Variants in EXOC6 observed in about 807,000 individuals in gnomAD.
The protein encoded by EXOC6 is SEC15-like 1.
Under a neutral mutation model 112.5 loss-of-function variants are expected in EXOC6, and 60 were observed. The observed-to-expected ratio is 0.53, with a 90% confidence interval of 0.43 to 0.66. EXOC6 has a LOEUF of 0.66. Ranked by LOEUF, EXOC6 falls within the 30% of genes least tolerant of loss-of-function variation. The pLI is 0.00. For synonymous variants in EXOC6, 295 were observed against 308.0 expected (o/e 0.96, Z 0.44); for missense variants, 855 against 957.1 (o/e 0.89, Z 1.41).
intron 20 of EXOC6, among the ~76,000 whole-genome samples, chr10:93,034,344 C>A (rs1348976556): frequency 6.6e-6 from 1 of 152,108 alleles, no homozygotes. Context: ...AGGGAAGTAC[C>A]CTGGGCACCC....
intron 1 of EXOC6, among the ~76,000 whole-genome samples, chr10:92,863,073 G>T (rs547152738): frequency 6.6e-6 from 1 of 152,316 alleles, no homozygotes; most frequent in Non-Finnish European, 1.5e-5. Context: ...ACTATCTGTA[G>T]ATGATGGACT....
intron 19 of EXOC6, among the ~76,000 whole-genome samples, chr10:93,013,186 TTTAA>T (rs1198491981): frequency 1.3e-5 from 2 of 152,168 alleles, no homozygotes; most frequent in Non-Finnish European, 2.9e-5. Flanking sequence ...TTGTCTTTAG[TTTAA>T]TTAAGTAAGC....
intron 1 of EXOC6, among the ~76,000 whole-genome samples, chr10:92,881,348 T>G (rs1848954502): frequency 6.6e-6 from 1 of 152,216 alleles, no homozygotes; most frequent in African/African-American, 2.4e-5. Flanking sequence ...CTGCCCAGAT[T>G]AAAGGAAGGG....
intron 18 of EXOC6, among the ~76,000 whole-genome samples, chr10:92,980,757 A>G (rs530747686): frequency 1.2e-4 from 18 of 152,354 alleles, no homozygotes; most frequent in East Asian, 9.6e-4. Context: ...CCAATTTTCA[A>G]TATTTTAAAT....
At chr10:92,955,843 C>T in intron 17 of EXOC6, 129 bp downstream of exon 17, 2 of 749,276 alleles carry the variant, frequency 2.7e-6, no homozygotes, top group Non-Finnish European at 4.1e-6. Flanking sequence ...TATTCATTGT[C>T]AACAATGAGC....
intron 4 of EXOC6, among the ~76,000 whole-genome samples, chr10:92,896,111 G>GTA (rs1243350763): frequency 4.6e-5 from 3 of 64,920 alleles, no homozygotes; most frequent in Admixed American, 2.2e-4. Flanking sequence ...ATATATATGT[G>GTA]TATATATATG....
chr10:93,058,540 AT>A lies in EXOC6; in HGVS notation c.*189del, dbSNP rs1269905924. The A allele has an allele frequency of 1.2e-5, 5 of 424,322 alleles. No homozygotes were observed. In the East Asian group the frequency reaches 1.6e-4, roughly 13 times the overall value. The allele number at this position is 424,322 out of a possible 1,614,324, so 26.3% of individuals were successfully genotyped here. ...ATGGATTTTTAAATAATCGAATACT[AT>A]TTTATATATGGAAAAAAATGACCAT... On this transcript the variant is annotated 3_prime_UTR_variant, in exon 22 of 22. Coordinates refer to ENST00000260762, the MANE Select transcript of EXOC6 (RefSeq NM_019053.6).
rs1847474607 is a variant in EXOC6 at position 92,854,006 on chromosome 10, T to TG, written c.101+5372_101+5373insG. On this transcript the variant is annotated intron_variant, in intron 1 of 21. Coordinates refer to ENST00000260762, the MANE Select transcript of EXOC6 (RefSeq NM_019053.6). ...CTGGGCAACAGAGTGAGTCCCTGTCTCAAAAAAAAAAAAAAAAAGGAAAGA... is the reference window on the plus strand; with the variant it reads ...CTGGGCAACAGAGTGAGTCCCTGTCTGCAAAAAAAAAAAAAAAAAGGAAAGA... 1.1e-4 allele frequency among the ~76,000 whole-genome samples: 6 copies of TG among 53,212 alleles called. No homozygotes were observed. The East Asian group carries it at 5.5e-3, about 48-fold the overall frequency. The allele number at this position is 53,212 out of a possible 152,430, so 34.9% of individuals were successfully genotyped here.
chr10:92,870,069 G>A (rs182595335), intron 1 of EXOC6, among the ~76,000 whole-genome samples: 154 of 148,968 alleles, frequency 1.0e-3, no homozygotes, highest in African/African-American at 3.5e-3. Flanking sequence ...CTCCTGCCTT[G>A]GCCTCCTGAG....
chr10:92,870,249 C>T (rs1271346767), intron 1 of EXOC6, among the ~76,000 whole-genome samples: 1 of 151,986 alleles, frequency 6.6e-6, no homozygotes, highest in Non-Finnish European at 1.5e-5. Context: ...CCACCGCGTG[C>T]CACCCAGCTC....
intron 1 of EXOC6, among the ~76,000 whole-genome samples, chr10:92,858,022 T>TTCCC (rs1554882161): frequency 5.9e-5 from 6 of 101,330 alleles, no homozygotes; most frequent in East Asian, 1.1e-3. Flanking sequence ...GTTGACGGGT[T>TTCCC]CCCCCCCTCC....
At chr10:93,008,518 C>T (rs747489924) in intron 19 of EXOC6, among the ~76,000 whole-genome samples, 2 of 151,990 alleles carry the variant, frequency 1.3e-5, no homozygotes, top group Non-Finnish European at 2.9e-5. Context: ...TAGGAATCCC[C>T]AAAATATGAC....
At chr10:92,984,561 C>T (rs1244706940) in intron 18 of EXOC6, among the ~76,000 whole-genome samples, 1 of 151,928 alleles carries the variant, frequency 6.6e-6, no homozygotes, top group African/African-American at 2.4e-5. Context: ...TTTAAAATTA[C>T]CAGTCGGTTT....
At chr10:92,863,427 T>C (rs1015501484) in intron 1 of EXOC6, among the ~76,000 whole-genome samples, 10 of 152,154 alleles carry the variant, frequency 6.6e-5, no homozygotes, top group African/African-American at 1.7e-4. Context: ...AAAGAATAAA[T>C]AACTGAACTG....
intron 18 of EXOC6, chr10:92,987,715 G>C (rs1843066706): frequency 1.3e-6 from 1 of 741,468 alleles, no homozygotes; most frequent in Non-Finnish European, 1.6e-6. Flanking sequence ...ATTTTTCTCT[G>C]CTTAGGTATT....
intron 1 of EXOC6, among the ~76,000 whole-genome samples, chr10:92,856,570 GTTTAT>G (rs1030868058): frequency 2.0e-5 from 3 of 152,176 alleles, no homozygotes; most frequent in African/African-American, 7.2e-5. Flanking sequence ...TATGACTTCA[GTTTAT>G]TTTAAGTTTA....
chr10:92,833,031 T>C (rs140563882), upstream of EXOC6, among the ~76,000 whole-genome samples: 779 of 152,276 alleles, frequency 5.1e-3, 6 homozygotes, highest in African/African-American at 0.015. Flanking sequence ...TATTGGGAAA[T>C]GGTGTGAGCC....
chr10:93,010,571 C>T (rs935366267), intron 19 of EXOC6, among the ~76,000 whole-genome samples: 10 of 151,748 alleles, frequency 6.6e-5, no homozygotes, highest in African/African-American at 2.2e-4. Flanking sequence ...TGGTGGCATA[C>T]GTCTGTAATC....
At chr10:92,866,259 A>G (rs1447506282) in intron 1 of EXOC6, among the ~76,000 whole-genome samples, 1 of 152,192 alleles carries the variant, frequency 6.6e-6, no homozygotes, top group Non-Finnish European at 1.5e-5. Flanking sequence ...AACATTGAGA[A>G]CTGTCTGTTG....
Sources: gnomAD v4.1 joint callset for allele counts (sites outside exome capture counted in the v4.1 genomes callset) on GRCh38, gnomAD v4.1.1 for gene constraint, MANE v1.5 for transcripts, NCBI Gene and HGNC (gene_info 2026-07-23, HGNC 2026-07-21) for gene names.